The following NELL2 variants were observed in gnomAD, a reference collection of about 807,000 sequenced individuals.
NELL2 encodes protein kinase C-binding protein NELL2.
A neutral mutation model predicts 109.6 loss-of-function variants in NELL2; 41 were observed. The ratio of observed to expected loss-of-function variants is 0.37; its 90% confidence interval spans 0.29 to 0.49. The LOEUF (loss-of-function observed/expected upper bound fraction) is 0.49, where lower values mean the gene tolerates loss of function less well. Among genes scored for constraint, NELL2 ranks in the 20% least tolerant of loss-of-function variants. The pLI is 0.98. For missense variants in NELL2, 900 were observed against 1,008.3 expected (o/e 0.89, Z 1.45); for synonymous variants, 355 against 344.7 (o/e 1.03, Z -0.33).
At chr12:44,606,460 C>A (rs1025458711) in intron 15 of NELL2, among the ~76,000 whole-genome samples, 3 of 152,016 alleles carry the variant, frequency 2.0e-5, no homozygotes, top group African/African-American at 7.2e-5. Flanking sequence ...CCTACTGAAC[C>A]CAATGCAACC....
At chr12:44,669,537 A>T (rs1375164812) in intron 12 of NELL2, among the ~76,000 whole-genome samples, 1 of 152,120 alleles carries the variant, frequency 6.6e-6, no homozygotes, top group Non-Finnish European at 1.5e-5. Flanking sequence ...AATTCAACAG[A>T]GATAGATGCC....
intron 13 of NELL2, among the ~76,000 whole-genome samples, chr12:44,660,493 C>T (rs954333499): frequency 1.3e-5 from 2 of 152,168 alleles, no homozygotes; most frequent in Admixed American, 1.3e-4. Flanking sequence ...CTGGCCTCTA[C>T]CTACCAGATC....
At chr12:44,644,635 T>A (rs1296382105) in intron 13 of NELL2, among the ~76,000 whole-genome samples, 1 of 131,376 alleles carries the variant, frequency 7.6e-6, no homozygotes. Context: ...TACATACATA[T>A]ATATATATAT....
Position 44,594,884 on chromosome 12 carries a change from CT to C in NELL2, c.1663+12284del, listed in dbSNP as rs369669043. Among the ~76,000 whole-genome samples, 41 of 152,182 alleles carry C rather than the reference CT, an allele frequency of 2.7e-4. 2 individuals carry two copies. The South Asian group carries it at 8.3e-3, about 31-fold the overall frequency. On this transcript the variant is annotated intron_variant, in intron 15 of 19. Coordinates refer to ENST00000429094, the MANE Select transcript of NELL2 (RefSeq NM_001145108.2). Reference sequence around the variant, plus strand: ...TACCAGTGTAAAAGAGATTCAGTACCTTCTGGTTTGTAATTAAGTTTTATGA... The same window carrying C: ...TACCAGTGTAAAAGAGATTCAGTACCTCTGGTTTGTAATTAAGTTTTATGA...
rs1943863559 is a variant in NELL2 at position 44,830,818 on chromosome 12, C to T, written c.185-14682G>A. Among the ~76,000 whole-genome samples, 3 of 152,172 alleles carry T rather than the reference C, an allele frequency of 2.0e-5. No individual in the cohort carries two copies. The South Asian group carries it at 6.2e-4, about 32-fold the overall frequency. On this transcript the variant is annotated intron_variant, in intron 2 of 19. Coordinates refer to ENST00000429094, the MANE Select transcript of NELL2 (RefSeq NM_001145108.2). ...CAGTTTCCCAGCCTGGAACTCTACA[C>T]TCTGCCCTGCACACCCATCTGCTTG...
chr12:44,629,710 T>C (rs1173649101), intron 13 of NELL2, among the ~76,000 whole-genome samples: 1 of 152,198 alleles, frequency 6.6e-6, no homozygotes, highest in African/African-American at 2.4e-5. Context: ...AAATGCAGAA[T>C]GGAAATATTT....
chr12:44,636,869 T>A lies in NELL2; in HGVS notation c.1445-25899A>T, dbSNP rs1376143102. ...TTTCAGAAGTAGAATCCTGCTTTGA[T>A]TCCGTCTGGTCTGGTGCTTTTTTTG... On this transcript the variant is annotated intron_variant, in intron 13 of 19. Transcript: ENST00000429094. Among the ~76,000 whole-genome samples, 5 of 151,968 alleles carry A rather than the reference T, an allele frequency of 3.3e-5. No homozygotes were observed. In the South Asian group the frequency reaches 8.3e-4, roughly 25 times the overall value.
At chr12:44,849,541 T>A (rs1015806814) in intron 2 of NELL2, among the ~76,000 whole-genome samples, 1 of 152,232 alleles carries the variant, frequency 6.6e-6, no homozygotes, top group South Asian at 2.1e-4. Flanking sequence ...CATTTCTATA[T>A]GAGTATTGAA....
At chr12:44,789,726 A>T (rs1250691468) in intron 3 of NELL2, among the ~76,000 whole-genome samples, 2 of 152,170 alleles carry the variant, frequency 1.3e-5, no homozygotes, top group African/African-American at 4.8e-5. Context: ...CCAAAAAAAG[A>T]TATAAGAAGT....
At chr12:44,854,264 G>T (rs1944611435) in intron 2 of NELL2, among the ~76,000 whole-genome samples, 1 of 152,112 alleles carries the variant, frequency 6.6e-6, no homozygotes, top group African/African-American at 2.4e-5. Context: ...TAAAACACCA[G>T]TGTATGGAAG....
chr12:44,820,488 A>T (rs987707238), intron 2 of NELL2, among the ~76,000 whole-genome samples: 1 of 152,050 alleles, frequency 6.6e-6, no homozygotes, highest in African/African-American at 2.4e-5. Context: ...GGGCGCCTGT[A>T]GCCCCAGCTA....
chr12:44,558,510 G>A (rs1420718467), intron 15 of NELL2, among the ~76,000 whole-genome samples: 14 of 152,154 alleles, frequency 9.2e-5, no homozygotes, highest in Admixed American at 2.6e-4. Flanking sequence ...CAGGGAGGGC[G>A]AGCCAAAGCC....
chr12:44,690,313 A>G (rs1948860328), intron 12 of NELL2, among the ~76,000 whole-genome samples: 1 of 152,238 alleles, frequency 6.6e-6, no homozygotes, highest in African/African-American at 2.4e-5. Flanking sequence ...AAAGAATTAG[A>G]TAGCCACTAA....
intron 2 of NELL2, among the ~76,000 whole-genome samples, chr12:44,848,384 C>T (rs576500501): frequency 6.6e-6 from 1 of 152,254 alleles, no homozygotes; most frequent in East Asian, 1.9e-4. Context: ...CAGGAGATGC[C>T]ACTGGGCTCT....
intron 2 of NELL2, among the ~76,000 whole-genome samples, chr12:44,824,658 GTTATTTATTTATTTAT>G (rs143236607): frequency 0.79 from 110,391 of 140,436 alleles, 43,999 homozygotes; most frequent in Middle Eastern, 0.94. Flanking sequence ...GTTTTGTAGT[GTTATTTATTTATTTAT>G]TTATTTATTT....
intron 13 of NELL2, among the ~76,000 whole-genome samples, chr12:44,652,914 A>G (rs1056788359): frequency 1.3e-5 from 2 of 152,152 alleles, no homozygotes; most frequent in African/African-American, 2.4e-5. Context: ...CAAATCCAGT[A>G]AGGTTGCATG....
chr12:44,715,970 AT>A (rs1469888456), intron 9 of NELL2, among the ~76,000 whole-genome samples: 1 of 151,916 alleles, frequency 6.6e-6, no homozygotes, highest in Non-Finnish European at 1.5e-5. Context: ...TTTATTATTT[AT>A]TTTTTTCTTT....
chr12:44,894,716 C>T (rs1945574215), intron 1 of NELL2, among the ~76,000 whole-genome samples: 1 of 152,132 alleles, frequency 6.6e-6, no homozygotes, highest in East Asian at 1.9e-4. Context: ...CACGTAATAA[C>T]AATTTATAAA....
chr12:44,918,712 T>C (rs1945847309), upstream of NELL2, among the ~76,000 whole-genome samples: 1 of 152,164 alleles, frequency 6.6e-6, no homozygotes, highest in Admixed American at 6.6e-5. Context: ...TCACTGATGG[T>C]TTTATGTCAG....
Sources: gnomAD v4.1 joint callset for allele counts (sites outside exome capture counted in the v4.1 genomes callset) on GRCh38, gnomAD v4.1.1 for gene constraint, MANE v1.5 for transcripts, NCBI Gene and HGNC (gene_info 2026-07-23, HGNC 2026-07-21) for gene names.